TUSC3: variants seen among roughly 807,000 people sequenced by gnomAD.
TUSC3 encodes dolichyl-diphosphooligosaccharide--protein glycosyltransferase subunit TUSC3.
Under a neutral mutation model 44.8 loss-of-function variants are expected in TUSC3, and 45 were observed. The observed-to-expected ratio is 1.00, with a 90% CI of 0.79 to 1.29. TUSC3 has a LOEUF of 1.29. Ranked by LOEUF, TUSC3 falls within the 50% of genes most tolerant of loss-of-function variation. TUSC3 has a pLI of 0.00. For missense variants in TUSC3, 519 were observed against 437.9 expected (o/e 1.19, Z -1.65); for synonymous variants, 212 against 152.9 (o/e 1.39, Z -2.85).
chr8:15,842,484 G>A, the TUSC3 span, among the ~76,000 whole-genome samples: 2 of 152,096 alleles, frequency 1.3e-5, no homozygotes, highest in Admixed American at 6.5e-5. Context: ...GTTAACAAAG[G>A]TTTCTGGATC....
chr8:15,591,554 A>G (rs1262394859), intron 1 of TUSC3, among the ~76,000 whole-genome samples: 1 of 152,258 alleles, frequency 6.6e-6, no homozygotes, highest in Admixed American at 6.5e-5. Flanking sequence ...GCGAGTAAGC[A>G]TACAGTTAAA....
At chr8:15,684,814 A>G (rs921224695) in intron 6 of TUSC3, among the ~76,000 whole-genome samples, 2 of 152,128 alleles carry the variant, frequency 1.3e-5, no homozygotes, top group Non-Finnish European at 2.9e-5. Flanking sequence ...TAGCCCCTGG[A>G]TGTAAAGCAG....
chr8:15,698,494 C>G (rs777141392), intron 6 of TUSC3, among the ~76,000 whole-genome samples: 1 of 152,158 alleles, frequency 6.6e-6, no homozygotes, highest in Non-Finnish European at 1.5e-5. Flanking sequence ...ACTTCAACCT[C>G]AGGAATGCTT....
chr8:15,458,251 C>G (rs375992998), intron 1 of TUSC3, among the ~76,000 whole-genome samples: 2 of 151,534 alleles, frequency 1.3e-5, no homozygotes, highest in African/African-American at 4.8e-5. Flanking sequence ...TCTTTTTTTT[C>G]TTTTTAAGAC....
chr8:15,672,642 G>A (rs947196638), intron 5 of TUSC3, among the ~76,000 whole-genome samples: 4 of 152,038 alleles, frequency 2.6e-5, no homozygotes, highest in Middle Eastern at 3.4e-3. Context: ...AAGGTTCTTG[G>A]GTAGATACTC....
At chr8:15,565,063 C>A (rs143455620) in intron 1 of TUSC3, among the ~76,000 whole-genome samples, 21 of 152,026 alleles carry the variant, frequency 1.4e-4, no homozygotes, top group African/African-American at 5.1e-4. Context: ...CAACAGCAAT[C>A]GATTATCTTA....
the TUSC3 span, among the ~76,000 whole-genome samples, chr8:15,844,961 C>A: frequency 2.0e-5 from 3 of 152,032 alleles, no homozygotes; most frequent in Non-Finnish European, 4.4e-5. Context: ...ATTACCTTGG[C>A]ATTTCAAAAT....
chr8:15,748,579 T>C, intron 9 of TUSC3, 114 bp downstream of exon 9: 1 of 1,028,214 alleles, frequency 9.7e-7, no homozygotes, highest in Non-Finnish European at 1.5e-6. Flanking sequence ...TTTTTTAAAT[T>C]CAGTTAAGCA....
At chr8:15,837,998 C>T in the TUSC3 span, among the ~76,000 whole-genome samples, 1 of 152,178 alleles carries the variant, frequency 6.6e-6, no homozygotes, top group Non-Finnish European at 1.5e-5. Flanking sequence ...TCATGACTTA[C>T]TATTTATTCT....
At chr8:15,619,105 C>T (rs1428679787) in intron 1 of TUSC3, among the ~76,000 whole-genome samples, 2 of 152,056 alleles carry the variant, frequency 1.3e-5, no homozygotes, top group African/African-American at 2.4e-5. Context: ...AAAGAAAAAT[C>T]GTTTTGTGGA....
At chr8:15,621,949 A>G (rs1013448766) in intron 1 of TUSC3, among the ~76,000 whole-genome samples, 4 of 151,732 alleles carry the variant, frequency 2.6e-5, no homozygotes, top group Non-Finnish European at 5.9e-5. Context: ...TTCCTGTTCA[A>G]GTGGGTGCAA....
intron 1 of TUSC3, among the ~76,000 whole-genome samples, chr8:15,599,883 T>C (rs151112631): frequency 8.2e-4 from 124 of 151,802 alleles, no homozygotes; most frequent in African/African-American, 2.9e-3. Context: ...TAAATGTTGG[T>C]TGGCTATAAT....
intron 1 of TUSC3, among the ~76,000 whole-genome samples, chr8:15,471,118 T>C (rs1015521304): frequency 9.9e-6 from 1 of 100,654 alleles, no homozygotes; most frequent in Admixed American, 1.2e-4. Flanking sequence ...TCAGAGGAGG[T>C]GCAAACATTT....
At chr8:15,795,428 T>C in the TUSC3 span, among the ~76,000 whole-genome samples, 5 of 152,162 alleles carry the variant, frequency 3.3e-5, no homozygotes, top group Non-Finnish European at 7.3e-5. Context: ...CCATTTCTAA[T>C]TGGAGGACTT....
chr8:15,810,959 C>T, the TUSC3 span, among the ~76,000 whole-genome samples: 2 of 152,124 alleles, frequency 1.3e-5, no homozygotes, highest in African/African-American at 4.8e-5. Context: ...AGTAAGGAGA[C>T]ATGATCGTGT....
At chr8:15,582,795 C>T (rs987923977) in intron 1 of TUSC3, among the ~76,000 whole-genome samples, 1 of 152,210 alleles carries the variant, frequency 6.6e-6, no homozygotes, top group Non-Finnish European at 1.5e-5. Context: ...TAATCAGTTA[C>T]AGTCACTCAC....
the TUSC3 span, among the ~76,000 whole-genome samples, chr8:15,844,014 C>G: frequency 6.6e-6 from 1 of 152,136 alleles, no homozygotes; most frequent in East Asian, 1.9e-4. Context: ...ATTCCCTTCT[C>G]AAATATCCTA....
intron 1 of TUSC3, among the ~76,000 whole-genome samples, chr8:15,451,779 C>G (rs1563254371): frequency 6.6e-6 from 1 of 152,054 alleles, no homozygotes; most frequent in Non-Finnish European, 1.5e-5. Context: ...GGGTCTGATG[C>G]TCTCTCCAGA....
At chr8:15,561,088 T>C (rs1197967958) in intron 1 of TUSC3, among the ~76,000 whole-genome samples, 1 of 122,766 alleles carries the variant, frequency 8.1e-6, no homozygotes, top group Non-Finnish European at 1.7e-5. Context: ...CTCTGCGTTT[T>C]AGAGTTTCCA....
Sources: gnomAD v4.1 joint callset for allele counts (sites outside exome capture counted in the v4.1 genomes callset) on GRCh38, gnomAD v4.1.1 for gene constraint, MANE v1.5 for transcripts, NCBI Gene and HGNC (gene_info 2026-07-23, HGNC 2026-07-21) for gene names.